GJD3: variants seen among roughly 807,000 people sequenced by gnomAD.
GJD3 encodes the protein gap junction delta-3 protein.
For synonymous variants in GJD3, 217 were observed against 226.7 expected, an observed-to-expected ratio of 0.96 and a Z score of 0.38; for missense variants, 421 against 448.5, an observed-to-expected ratio of 0.94 and a Z score of 0.55.
rs1187377496 is a variant in GJD3 at position 40,362,145 on chromosome 17, A to G, written c.*786T>C. 6.6e-6 allele frequency among the ~76,000 whole-genome samples: 1 copy of G among 152,116 alleles called. No homozygotes were observed. The highest frequency in any genetic ancestry group is 2.4e-5 in the African/African-American group (1 of 41,400). On this transcript the variant is annotated 3_prime_UTR_variant, in exon 1 of 1. Coordinates refer to ENST00000578689, the MANE Select transcript of GJD3 (RefSeq NM_152219.4). ...CCTGGCCACCCCCGCAGTGCATATC[A>G]GAGATCACACACACACGCGTGCACA...
Position 40,363,760 on chromosome 17 carries a change from G to C in GJD3, c.56C>G (p.Pro19Arg), listed in dbSNP as rs1314209773. The change falls in exon 1 of 1, where the codon CCG (proline) becomes CGG (arginine). Residue 19 changes from proline to arginine, a missense_variant. By Grantham distance (103) the Pro-to-Arg change is moderately radical (BLOSUM62 -2). Coordinates refer to ENST00000578689, the MANE Select transcript of GJD3 (RefSeq NM_152219.4). This position sits in a 1 kb window ranked among gnomAD's most constrained non-coding sequence, Gnocchi z 5.5. ...CACCAGCCAGAGGCGGCCCACGAGC[G>C]GCGACTGCAGCTGCACGGCGTCCAG... ...SLLDAVQLQS[P>R]LVGRLWLVVM... is the part of the protein sequence containing the mutation. 3 of 1,609,026 alleles carry C rather than the reference G, an allele frequency of 1.9e-6. No individual in the cohort carries two copies. The highest frequency in any genetic ancestry group is 1.7e-5 in the Admixed American group (1 of 59,774).
chr17:40,363,124 T>G lies in GJD3; in HGVS notation c.692A>C (p.His231Pro), dbSNP rs1429368156. The G allele has an allele frequency of 7.4e-7, 1 of 1,349,714 alleles. No homozygotes were observed. The allele number at this position is 1,349,714 out of a possible 1,614,324, so 83.6% of individuals were successfully genotyped here. ...GERDNRCNRA[H>P]EEAQKLLPPP... ...CGGGAGCAGCTTCTGCGCCTCTTCG[T>G]GTGCACGGTTGCAGCGGTTGTCACG... Residue 231 changes from histidine to proline, a missense_variant, in exon 1 of 1, where the codon CAC becomes CCC. By Grantham distance (77) the His-to-Pro change is moderately conservative. Transcript: ENST00000578689. This position sits in a 1 kb window ranked among gnomAD's most constrained non-coding sequence, Gnocchi z 5.5.
rs2034768798 is a variant in GJD3, at chr17:40,363,183, G to A, written c.633C>T (p.His211=). The change falls in exon 1 of 1, where the codon CAC becomes CAT. Residue 211 remains histidine (H), a synonymous_variant. Coordinates refer to ENST00000578689, the MANE Select transcript of GJD3 (RefSeq NM_152219.4). The surrounding 1 kb of genome is among the most constrained non-coding windows in gnomAD (Gnocchi z 5.5). The part of the protein sequence containing the change: ...SALLSVAELG[H]LLWKGRPRAG... ...CGCGCGGGCGGCCCTTCCAGAGCAG[G>A]TGGCCCAGCTCGGCTACGCTGAGCA... 1 of 1,444,590 alleles carries A rather than the reference G, an allele frequency of 6.9e-7. No homozygotes were observed. The highest frequency in any genetic ancestry group is 9.1e-7 in the Non-Finnish European group (1 of 1,097,166). 89.5% of individuals were successfully genotyped at this position (1,444,590 alleles called of 1,614,324 possible). A position where few individuals can be genotyped will look rare whatever the true frequency, so the allele number is the denominator to read the frequency against.
At position 40,362,914 on chromosome 17, in the gene GJD3, C is replaced by A; in HGVS notation, c.*17G>T. ...TCCGGCCCTCGCCGTCCAGTCCGCG[C>A]GAGGCGGTGCCCGCCCCTAGATGGC... On this transcript the variant is annotated 3_prime_UTR_variant, in exon 1 of 1. Transcript: ENST00000578689. 8.3e-7 allele frequency: 1 copy of A among 1,207,288 alleles called. No homozygotes were observed. Among genetic ancestry groups the A allele is most frequent in the Non-Finnish European group, 1.0e-6 (1 of 970,342 alleles). 74.8% of individuals were successfully genotyped at this position (1,207,288 alleles called of 1,614,324 possible).
rs2034745845 is a variant in GJD3 at position 40,360,817 on chromosome 17, G to A, written c.*2114C>T. On this transcript the variant is annotated 3_prime_UTR_variant, in exon 1 of 1. Transcript: ENST00000578689. ...TGAATGAATACATCTGGAAAACAGC[G>A]GCACAGCCCCATCTGGGTTTGTGTG... 4 of 304,094 alleles carry A rather than the reference G, an allele frequency of 1.3e-5. No individual in the cohort carries two copies. Among genetic ancestry groups the A allele is most frequent in the South Asian group, 9.6e-5 (4 of 41,720 alleles). 18.8% of individuals were successfully genotyped at this position (304,094 alleles called of 1,614,324 possible).
Position 40,364,103 on chromosome 17 carries a change from G to A in GJD3, c.-288C>T. The A allele has an allele frequency of 2.7e-6, 1 of 364,334 alleles. No individual in the cohort carries two copies. Among genetic ancestry groups the A allele is most frequent in the Non-Finnish European group, 5.3e-6 (1 of 188,986 alleles). The allele number at this position is 364,334 out of a possible 1,614,324, so 22.6% of individuals were successfully genotyped here. On this transcript the variant is annotated 5_prime_UTR_variant, in exon 1 of 1. It adds an upstream start codon to the 5' untranslated region. Coordinates refer to ENST00000578689, the MANE Select transcript of GJD3 (RefSeq NM_152219.4). ...TAGCCGCACCCCCTGAGCCGTCTCC[G>A]TTCGACCCTGGGATCCTCCAGATCC... is the stretch of plus-strand genomic sequence containing the variant.
chr17:40,362,321 C>T lies in GJD3; in HGVS notation c.*610G>A, dbSNP rs528911672. ...CTCACAGGGATGTGAGTACACAGCT[C>T]TCAAGGGGCATATGTTTCTGTGTGC... On this transcript the variant is annotated 3_prime_UTR_variant, in exon 1 of 1. Coordinates refer to ENST00000578689, the MANE Select transcript of GJD3 (RefSeq NM_152219.4). 6.6e-6 allele frequency among the ~76,000 whole-genome samples: 1 copy of T among 152,288 alleles called. No individual in the cohort carries two copies. Among genetic ancestry groups the T allele is most frequent in the African/African-American group, 2.4e-5 (1 of 41,570 alleles).
Position 40,363,476 on chromosome 17 carries a change from C to T in GJD3, c.340G>A (p.Ala114Thr). ...AGGAEAAAQC[A>T]PGLPEAQCAP... ...CACTGGGCCTCGGGCAGTCCGGGGG[C>T]GCACTGCGCCGCCGCCTCAGCGCCG... Residue 114 changes from alanine (A) to threonine (T), a missense_variant, in exon 1 of 1, where the codon GCC (alanine) becomes ACC (threonine). Transcript: ENST00000578689. This position sits in a 1 kb window ranked among gnomAD's most constrained non-coding sequence, Gnocchi z 5.5. 1 of 1,533,956 alleles carries T rather than the reference C, an allele frequency of 6.5e-7. No individual in the cohort carries two copies. The highest frequency in any genetic ancestry group is 8.8e-7 in the Non-Finnish European group (1 of 1,141,982).
At position 40,363,247 on chromosome 17, in the gene GJD3, A is replaced by G. The variant is rs1339350282; in HGVS notation, c.569T>C (p.Phe190Ser). Residue 190 changes from phenylalanine (F) to serine (S), a missense_variant, in exon 1 of 1, where the codon TTC (phenylalanine) becomes TCC (serine). Physicochemically the swap from Phe to Ser is radical, Grantham distance 155. Transcript: ENST00000578689. This position sits in a 1 kb window ranked among gnomAD's most constrained non-coding sequence, Gnocchi z 5.5. Reference protein sequence around the residue: ...FVSRPTEKTVFVLFYFAVGLL... With the variant: ...FVSRPTEKTVSVLFYFAVGLL... Reference sequence around the variant, plus strand: ...CCCCACCGCGAAATAGAAGAGCACGAAGACGGTCTTCTCGGTGGGCCGGCT... The same window carrying G: ...CCCCACCGCGAAATAGAAGAGCACGGAGACGGTCTTCTCGGTGGGCCGGCT... 1.4e-6 allele frequency: 2 copies of G among 1,445,714 alleles called. No homozygotes were observed. Among genetic ancestry groups the G allele is most frequent in the Non-Finnish European group, 1.8e-6 (2 of 1,097,696 alleles). 89.6% of individuals were successfully genotyped at this position (1,445,714 alleles called of 1,614,324 possible).
Position 40,363,303 on chromosome 17 carries a change from C to A in GJD3, c.513G>T (p.Pro171=). Reference sequence around the variant, plus strand: ...AGCAGTCGACCGTGTGCGGGCAGGGCGGACCGGCGCACGCGAAGTGCGGGG... The same window carrying A: ...AGCAGTCGACCGTGTGCGGGCAGGGAGGACCGGCGCACGCGAAGTGCGGGG... ...RVAPHFACAG[P]PCPHTVDCFV... The change falls in exon 1 of 1, where the codon CCG becomes CCT. Residue 171 remains proline, a synonymous_variant. Coordinates refer to ENST00000578689, the MANE Select transcript of GJD3 (RefSeq NM_152219.4). The surrounding 1 kb of genome is among the most constrained non-coding windows in gnomAD (Gnocchi z 5.5). 1.4e-6 allele frequency: 2 copies of A among 1,403,462 alleles called. No homozygotes were observed. The highest frequency in any genetic ancestry group is 9.3e-7 in the Non-Finnish European group (1 of 1,073,774). The allele number at this position is 1,403,462 out of a possible 1,614,324, so 86.9% of individuals were successfully genotyped here. A position where few individuals can be genotyped will look rare whatever the true frequency, so the allele number is the denominator to read the frequency against.
chr17:40,361,516 A>G lies in GJD3; in HGVS notation c.*1415T>C, dbSNP rs1417796078. On this transcript the variant is annotated 3_prime_UTR_variant, in exon 1 of 1. Transcript: ENST00000578689. ...GATGGCGGGGAACGCACAGCCTGGT[A>G]GGCAGGATGCGGTGAGGCCCGCAAG... is the stretch of plus-strand genomic sequence containing the variant. Among the ~76,000 whole-genome samples, 3 of 152,228 alleles carry G rather than the reference A, an allele frequency of 2.0e-5. No homozygotes were observed. Among genetic ancestry groups the G allele is most frequent in the African/African-American group, 7.2e-5 (3 of 41,452 alleles).
In GJD3 at chr17:40,363,328, G is replaced by T; in HGVS notation, c.488C>A (p.Ala163Asp). The T allele has an allele frequency of 7.1e-7, 1 of 1,416,040 alleles. No individual in the cohort carries two copies. Among genetic ancestry groups the T allele is most frequent in the South Asian group, 1.4e-5 (1 of 70,734 alleles). 87.7% of individuals were successfully genotyped at this position (1,416,040 alleles called of 1,614,324 possible). The change falls in exon 1 of 1, where the codon GCC becomes GAC. Residue 163 changes from alanine (A) to aspartate (D), a missense_variant. By Grantham distance (126) the Ala-to-Asp change is moderately radical. Coordinates refer to ENST00000578689, the MANE Select transcript of GJD3 (RefSeq NM_152219.4). This position sits in a 1 kb window ranked among gnomAD's most constrained non-coding sequence, Gnocchi z 5.5. ...CGGACCGGCGCACGCGAAGTGCGGG[G>T]CCACGCGGAAGCCGTAGAGCAGCGC... Reference protein sequence around the residue: ...GQALLYGFRVAPHFACAGPPC... With the variant: ...GQALLYGFRVDPHFACAGPPC...
In GJD3 at chr17:40,360,874, A is replaced by C. The variant is rs1476207138; in HGVS notation, c.*2057T>G. 7 of 398,510 alleles carry C rather than the reference A, an allele frequency of 1.8e-5. No homozygotes were observed. Among genetic ancestry groups the C allele is most frequent in the Non-Finnish European group, 3.0e-5 (6 of 199,526 alleles). 24.7% of individuals were successfully genotyped at this position (398,510 alleles called of 1,614,324 possible). On this transcript the variant is annotated 3_prime_UTR_variant, in exon 1 of 1. Coordinates refer to ENST00000578689, the MANE Select transcript of GJD3 (RefSeq NM_152219.4). The stretch of plus-strand genomic sequence containing the variant: ...TCTGGGTTGTGGACACAGAACTGTC[A>C]TCAGAGAGATGGTGCCCACCATAGC...
rs1567773089 is a variant in GJD3 at position 40,363,904 on chromosome 17, GAC to G, written c.-91_-90del. ...AAGCCTATCGGGGTGGGGTCCGTTGGACCTTCTCTGACTTCAGGGTGAGTCGT... is the reference window on the plus strand; with the variant it reads ...AAGCCTATCGGGGTGGGGTCCGTTGGCTTCTCTGACTTCAGGGTGAGTCGT... On this transcript the variant is annotated 5_prime_UTR_variant, in exon 1 of 1. Transcript: ENST00000578689. The surrounding 1 kb of genome is among the most constrained non-coding windows in gnomAD (Gnocchi z 5.5). The G allele has an allele frequency of 1.4e-6, 2 of 1,465,966 alleles. No homozygotes were observed. The highest frequency in any genetic ancestry group is 5.0e-5 in the Admixed American group (2 of 40,262). 90.8% of individuals were successfully genotyped at this position (1,465,966 alleles called of 1,614,324 possible).
Position 40,362,009 on chromosome 17 carries a change from C to T in GJD3, c.*922G>A, listed in dbSNP as rs1323862922. 2.0e-5 allele frequency among the ~76,000 whole-genome samples: 3 copies of T among 152,076 alleles called. No homozygotes were observed. Among genetic ancestry groups the T allele is most frequent in the Non-Finnish European group, 1.5e-5 (1 of 67,978 alleles). ...AGGGAGCCTCTCCTCCTCTTCCCTC[C>T]CTGGGCGGGGTCTCTTGGGAGGGGG... On this transcript the variant is annotated 3_prime_UTR_variant, in exon 1 of 1. Transcript: ENST00000578689.
In GJD3 at chr17:40,363,154, C is replaced by T; in HGVS notation, c.662G>A (p.Gly221Glu). The change falls in exon 1 of 1, where the codon GGG becomes GAG. Residue 221 changes from glycine to glutamate, a missense_variant. Gly to Glu is a moderately conservative substitution (Grantham distance 98). Coordinates refer to ENST00000578689, the MANE Select transcript of GJD3 (RefSeq NM_152219.4). This position sits in a 1 kb window ranked among gnomAD's most constrained non-coding sequence, Gnocchi z 5.5. ...ACGGTTGCAGCGGTTGTCACGCTCCCCGGCGCGCGGGCGGCCCTTCCAGAG... is the reference window on the plus strand; with the variant it reads ...ACGGTTGCAGCGGTTGTCACGCTCCTCGGCGCGCGGGCGGCCCTTCCAGAG... The part of the protein sequence containing the change: ...HLLWKGRPRA[G>E]ERDNRCNRAH... 1 of 1,418,496 alleles carries T rather than the reference C, an allele frequency of 7.0e-7. No individual in the cohort carries two copies. Among genetic ancestry groups the T allele is most frequent in the Non-Finnish European group, 9.2e-7 (1 of 1,083,648 alleles). The allele number at this position is 1,418,496 out of a possible 1,614,324, so 87.9% of individuals were successfully genotyped here.
At position 40,364,691 on chromosome 17, in the gene GJD3, T is replaced by C. The variant is rs1357215503; in HGVS notation, c.-876A>G. Reference sequence around the variant, plus strand: ...CCGGCGCCTCCTGCTCCCTCTTTCATTTTCCCTTTCGGATTTGGCCAGGAT... The same window carrying C: ...CCGGCGCCTCCTGCTCCCTCTTTCACTTTCCCTTTCGGATTTGGCCAGGAT... On this transcript the variant is annotated 5_prime_UTR_variant, in exon 1 of 1. It removes an upstream start codon present in the reference 5' UTR. Transcript: ENST00000578689. The C allele has an allele frequency of 6.1e-6, 1 of 164,218 alleles. No homozygotes were observed. The highest frequency in any genetic ancestry group is 2.4e-5 in the African/African-American group (1 of 41,440). The allele number at this position is 164,218 out of a possible 1,614,324, so 10.2% of individuals were successfully genotyped here.
Position 40,363,168 on chromosome 17 carries a change from G to A in GJD3, c.648C>T (p.Gly216=), listed in dbSNP as rs2034768571. The A allele has an allele frequency of 7.0e-7, 1 of 1,427,050 alleles. No individual in the cohort carries two copies. The highest frequency in any genetic ancestry group is 9.2e-7 in the Non-Finnish European group (1 of 1,087,558). The allele number at this position is 1,427,050 out of a possible 1,614,324, so 88.4% of individuals were successfully genotyped here. ...VAELGHLLWK[G]RPRAGERDNR... ...TGTCACGCTCCCCGGCGCGCGGGCG[G>A]CCCTTCCAGAGCAGGTGGCCCAGCT... Residue 216 remains glycine (G), a synonymous_variant, in exon 1 of 1, where the codon GGC becomes GGT. Coordinates refer to ENST00000578689, the MANE Select transcript of GJD3 (RefSeq NM_152219.4). This position sits in a 1 kb window ranked among gnomAD's most constrained non-coding sequence, Gnocchi z 5.5.
Position 40,362,995 on chromosome 17 carries a change from C to A in GJD3, c.821G>T (p.Arg274Leu). The A allele has an allele frequency of 1.6e-6, 2 of 1,218,180 alleles. No individual in the cohort carries two copies. The highest frequency in any genetic ancestry group is 3.5e-5 in the East Asian group (1 of 28,478). The allele number at this position is 1,218,180 out of a possible 1,614,324, so 75.5% of individuals were successfully genotyped here. A position where few individuals can be genotyped will look rare whatever the true frequency, so the allele number is the denominator to read the frequency against. Residue 274 changes from arginine to leucine, a missense_variant, in exon 1 of 1, where the codon CGC becomes CTC. Coordinates refer to ENST00000578689, the MANE Select transcript of GJD3 (RefSeq NM_152219.4). ...AYAHPAPASL[R>L]ECGSGRGKAS... ...CTTGCCGCGGCCGCTGCCGCACTCG[C>A]GGAGGCTGGCCGGCGCCGGGTGCGC...
Sources: gnomAD v4.1 joint callset for allele counts (sites outside exome capture counted in the v4.1 genomes callset) on GRCh38, gnomAD v4.1.1 for gene constraint, Gnocchi (gnomAD v3.1) non-coding constraint, MANE v1.5 for transcripts, NCBI Gene and HGNC (gene_info 2026-07-23, HGNC 2026-07-21) for gene names.